The following LPCAT3 variants were observed in gnomAD, a reference collection of about 807,000 sequenced individuals.
LPCAT3 encodes the protein lysophosphatidylcholine acyltransferase 3.
A neutral mutation model predicts 63.4 loss-of-function variants in LPCAT3; 21 were observed. The ratio of observed to expected loss-of-function variants is 0.33; its 90% CI spans 0.23 to 0.48. LPCAT3 has a LOEUF of 0.48. Among genes scored for constraint, LPCAT3 ranks in the 20% least tolerant of loss-of-function variants. LPCAT3 has a pLI of 0.99. For missense variants in LPCAT3, 451 were observed against 590.6 expected (o/e 0.76, Z 2.45); for synonymous variants, 242 against 227.5 (o/e 1.06, Z -0.58).
chr12:7,002,856 A>G (rs1449068936), intron 1 of LPCAT3, among the ~76,000 whole-genome samples: 1 of 152,104 alleles, frequency 6.6e-6, no homozygotes, highest in Non-Finnish European at 1.5e-5. Context: ...TAAAAATACA[A>G]AAGTTAGCTG....
rs782726275 is a variant in LPCAT3 at position 7,018,381 on chromosome 12, A to G, written c.44T>C (p.Leu15Pro). ...AEGDEGTVVALAGVLQSGFQE... is the reference protein window; with the variant it reads ...AEGDEGTVVAPAGVLQSGFQE... ...GAAACCCGACTGCAGAACCCCCGCC[A>G]GCGCCACCACAGTCCCCTCGTCCCC... is the stretch of plus-strand genomic sequence containing the variant. The change falls in exon 1 of 13, where the codon CTG becomes CCG. Residue 15 changes from leucine (L) to proline (P), a missense_variant. Transcript: ENST00000261407. The surrounding 1 kb of genome is among the most constrained non-coding windows in gnomAD (Gnocchi z 4.9). 48 of 1,612,318 alleles carry G rather than the reference A, an allele frequency of 3.0e-5. No individual in the cohort carries two copies. Among genetic ancestry groups the G allele is most frequent in the Non-Finnish European group, 2.2e-5 (26 of 1,179,280 alleles).
At chr12:7,001,875 C>T (rs980885869) in intron 1 of LPCAT3, among the ~76,000 whole-genome samples, 9 of 152,008 alleles carry the variant, frequency 5.9e-5, no homozygotes, top group Non-Finnish European at 1.0e-4. Flanking sequence ...AAAAAGAGTC[C>T]ATATGAGGCA....
At position 6,998,093 on chromosome 12, in the gene LPCAT3, G is replaced by A. The variant is rs782093711; in HGVS notation, c.152-14554C>T. ...TGCAATGGCACAGTCATGGCTCACT[G>A]CAGCCTTGATCTCCTGGGCTCAAGT... On this transcript the variant is annotated intron_variant, in intron 1 of 12. Transcript: ENST00000261407. Among the ~76,000 whole-genome samples, 8 of 152,338 alleles carry A rather than the reference G, an allele frequency of 5.3e-5. No individual in the cohort carries two copies. In the East Asian group the frequency reaches 1.5e-3, roughly 29 times the overall value.
At chr12:6,982,626 C>T in intron 3 of LPCAT3, 50 bp downstream of exon 3, 1 of 1,419,134 alleles carries the variant, frequency 7.0e-7, no homozygotes, top group Non-Finnish European at 9.9e-7. Context: ...ACCCCTGTCC[C>T]CTGAACCGCT....
intron 1 of LPCAT3, among the ~76,000 whole-genome samples, chr12:7,011,864 G>A (rs1946766460): frequency 6.6e-6 from 1 of 152,056 alleles, no homozygotes; most frequent in African/African-American, 2.4e-5. Flanking sequence ...TTGTATTATG[G>A]TCAGAAGTCT....
intron 1 of LPCAT3, among the ~76,000 whole-genome samples, chr12:7,002,422 A>T (rs1356365636): frequency 2.6e-5 from 4 of 152,178 alleles, no homozygotes; most frequent in Admixed American, 6.6e-5. Context: ...GCCCTGCCAC[A>T]CTGCCAAGTG....
rs1214273780 is a variant in LPCAT3 at position 6,976,281 on chromosome 12, T to TG, written c.*622dup. ...CCTTGCACCCCTCTCCACCCCCCCA[T>TG]GGGGGGGGTGGTGGTAGCGGCACAT... On this transcript the variant is annotated 3_prime_UTR_variant, in exon 13 of 13. Coordinates refer to ENST00000261407, the MANE Select transcript of LPCAT3 (RefSeq NM_005768.6). 2.3e-4 allele frequency: 35 copies of TG among 152,564 alleles called. No homozygotes were observed. The highest frequency in any genetic ancestry group is 6.2e-4 in the South Asian group (3 of 4,838). The allele number at this position is 152,564 out of a possible 1,614,324, so 9.5% of individuals were successfully genotyped here.
intron 2 of LPCAT3, chr12:6,983,036 CA>C (rs1555154346): frequency 5.2e-6 from 3 of 578,456 alleles, no homozygotes; most frequent in Non-Finnish European, 9.7e-6. Context: ...GACTTGAGTG[CA>C]GTAGCTCAAT....
At chr12:7,012,058 T>C (rs1946767284) in intron 1 of LPCAT3, among the ~76,000 whole-genome samples, 1 of 152,228 alleles carries the variant, frequency 6.6e-6, no homozygotes, top group South Asian at 2.1e-4. Context: ...TAAAGGTCGC[T>C]AACTTTAGTG....
At chr12:7,012,755 A>T (rs968670465) in intron 1 of LPCAT3, among the ~76,000 whole-genome samples, 4 of 152,160 alleles carry the variant, frequency 2.6e-5, no homozygotes, top group African/African-American at 9.7e-5. Flanking sequence ...GTGCCCTTGG[A>T]ACCTAAAGTG....
At chr12:6,979,672 G>A in intron 6 of LPCAT3, 93 bp from the exon 7 acceptor site, 1 of 853,954 alleles carries the variant, frequency 1.2e-6, no homozygotes, top group Non-Finnish European at 1.9e-6. Context: ...GTGTTTAGGG[G>A]TGTGGTTGTC....
rs56951656 is a variant in LPCAT3, at chr12:6,987,111, C to CAA, written c.152-3574_152-3573dup. On this transcript the variant is annotated intron_variant, in intron 1 of 12. Coordinates refer to ENST00000261407, the MANE Select transcript of LPCAT3 (RefSeq NM_005768.6). The surrounding 1 kb of genome is among the most constrained non-coding windows in gnomAD (Gnocchi z 4.1). ...TTGGGCAACGAGCAAGATTCTGTCTCAAAAAAAAAAGAAAAAAAAGTTTTA... is the reference window on the plus strand; with the variant it reads ...TTGGGCAACGAGCAAGATTCTGTCTCAAAAAAAAAAAAGAAAAAAAAGTTTTA... Among the ~76,000 whole-genome samples, 2,680 of 145,086 alleles carry CAA rather than the reference C, an allele frequency of 0.018. 85 individuals carry two copies. Among genetic ancestry groups the CAA allele is most frequent in the African/African-American group, 0.061 (2,466 of 40,158 alleles).
chr12:7,016,216 C>T (rs775419627), intron 1 of LPCAT3, among the ~76,000 whole-genome samples: 1 of 151,360 alleles, frequency 6.6e-6, no homozygotes, highest in Non-Finnish European at 1.5e-5. Flanking sequence ...ACCTCAATCT[C>T]GGGAGTAGCT....
At position 6,987,742 on chromosome 12, in the gene LPCAT3, C is replaced by T. The variant is rs1555154965; in HGVS notation, c.152-4203G>A. The T allele has an allele frequency of 2.5e-6, 1 of 400,638 alleles. No homozygotes were observed. Among genetic ancestry groups the T allele is most frequent in the Non-Finnish European group, 4.4e-6 (1 of 226,192 alleles). The allele number at this position is 400,638 out of a possible 1,614,324, so 24.8% of individuals were successfully genotyped here. ...AAATTAAAAAACACCACACATATTA[C>T]TCTGCCTCTTTAAGTTGAATCTAAT... On this transcript the variant is annotated intron_variant, in intron 1 of 12. Transcript: ENST00000261407. This position sits in a 1 kb window ranked among gnomAD's most constrained non-coding sequence, Gnocchi z 4.1.
At chr12:6,997,871 C>A (rs765887446) in intron 1 of LPCAT3, among the ~76,000 whole-genome samples, 271 of 152,192 alleles carry the variant, frequency 1.8e-3, no homozygotes, top group Non-Finnish European at 3.1e-3. Flanking sequence ...CAGGCGAGAG[C>A]CACTGCACCT....
At chr12:6,979,834 C>T (rs1460284679) in intron 6 of LPCAT3, 4 of 497,712 alleles carry the variant, frequency 8.0e-6, no homozygotes, top group South Asian at 7.6e-5. Flanking sequence ...CTTGTGTTTA[C>T]CCCTCAGGGA....
chr12:6,977,881 A>T lies in LPCAT3; in HGVS notation c.1041-136T>A. 1 of 1,008,818 alleles carries T rather than the reference A, an allele frequency of 9.9e-7. No individual in the cohort carries two copies. Among genetic ancestry groups the T allele is most frequent in the Non-Finnish European group, 1.5e-6 (1 of 670,402 alleles). 62.5% of individuals were successfully genotyped at this position (1,008,818 alleles called of 1,614,324 possible). ...ACGTGTAGCCCCCAGAGGGTACAGG[A>T]GGCAGTGCTGACTGATTACTTTTAG... On this transcript the variant is annotated intron_variant, in intron 9 of 12. Coordinates refer to ENST00000261407, the MANE Select transcript of LPCAT3 (RefSeq NM_005768.6). This position sits in a 1 kb window ranked among gnomAD's most constrained non-coding sequence, Gnocchi z 4.5.
At chr12:6,982,836 G>T in intron 2 of LPCAT3, 54 bp from the exon 3 acceptor site, 1 of 1,173,480 alleles carries the variant, frequency 8.5e-7, no homozygotes, top group Non-Finnish European at 1.3e-6. Context: ...ACCGTCCTGA[G>T]ACTTCCAATC....
At chr12:7,000,613 A>T (rs1946677735) in intron 1 of LPCAT3, among the ~76,000 whole-genome samples, 1 of 151,476 alleles carries the variant, frequency 6.6e-6, no homozygotes, top group South Asian at 2.1e-4. Flanking sequence ...AAAAGCGAAA[A>T]TATTTGCAAA....
Sources: allele counts gnomAD v4.1 joint callset (sites outside exome capture counted in the v4.1 genomes callset), GRCh38; gene constraint gnomAD v4.1.1; non-coding constraint Gnocchi (gnomAD v3.1); transcripts MANE v1.5; gene names NCBI Gene and HGNC (gene_info 2026-07-23, HGNC 2026-07-21).